PTPRN2: variants seen among roughly 807,000 people sequenced by gnomAD.
PTPRN2 encodes the protein receptor-type tyrosine-protein phosphatase N2.
In PTPRN2, 74 loss-of-function variants were observed where a neutral mutation model predicts 118.8. The observed-to-expected ratio is 0.62, with a 90% CI of 0.52 to 0.76. The LOEUF (loss-of-function observed/expected upper bound fraction) is 0.76, where lower values mean the gene tolerates loss of function less well. Ranked by LOEUF, PTPRN2 falls within the 30% of genes least tolerant of loss-of-function variation. The probability of loss-of-function intolerance (pLI) is 0.00; values close to 1 mark genes in which losing one functional copy is unlikely to be tolerated. For synonymous variants in PTPRN2, 641 were observed against 608.0 expected (o/e 1.05, Z -0.80); for missense variants, 1,481 against 1,394.4 (o/e 1.06, Z -0.99).
chr7:158,070,949 C>CATGATGGTGGAGGTGCCT (rs1323690515), intron 11 of PTPRN2, among the ~76,000 whole-genome samples: 1 of 51,104 alleles, frequency 2.0e-5, no homozygotes, highest in Non-Finnish European at 3.5e-5. Context: ...TGGAGGTGCC[C>CATGATGGTGGAGGTGCCT]GTGGTGGTGG....
intron 3 of PTPRN2, among the ~76,000 whole-genome samples, chr7:158,244,890 G>C (rs1796118377): frequency 6.6e-6 from 1 of 152,122 alleles, no homozygotes; most frequent in Admixed American, 6.5e-5. Flanking sequence ...TTTTCTCTGA[G>C]CTCAGTGTCT....
At chr7:157,788,228 A>T (rs1468290623) in intron 12 of PTPRN2, among the ~76,000 whole-genome samples, 1 of 152,120 alleles carries the variant, frequency 6.6e-6, no homozygotes, top group African/African-American at 2.4e-5. Flanking sequence ...ACAAAAAAGT[A>T]GCCAGGTGTG....
At chr7:158,048,006 G>A (rs552724693) in intron 11 of PTPRN2, among the ~76,000 whole-genome samples, 12 of 152,222 alleles carry the variant, frequency 7.9e-5, no homozygotes, top group Admixed American at 2.6e-4. Flanking sequence ...GAATGGGGCC[G>A]AATTCAGAGC....
rs1025192384 is a variant in PTPRN2 at position 158,438,643 on chromosome 7, T to C, written c.163+51092A>G. 1.3e-5 allele frequency among the ~76,000 whole-genome samples: 2 copies of C among 152,212 alleles called. No individual in the cohort carries two copies. Among genetic ancestry groups the C allele is most frequent in the East Asian group, 1.9e-4 (1 of 5,192 alleles). On this transcript the variant is annotated intron_variant, in intron 2 of 22. Transcript: ENST00000389418. This position sits in a 1 kb window ranked among gnomAD's most constrained non-coding sequence, Gnocchi z 4.7. ...AAGAGAAGGTCAGTTCTGATCGTTG[T>C]TGATTTTCCTGGAATTTGCTAATGA... is the stretch of plus-strand genomic sequence containing the variant.
At chr7:158,008,116 T>TGTGTGG (rs1219791225) in intron 11 of PTPRN2, among the ~76,000 whole-genome samples, 1 of 139,794 alleles carries the variant, frequency 7.2e-6, no homozygotes, top group Non-Finnish European at 1.6e-5. Context: ...GTGTGCTGTG[T>TGTGTGG]GTGTGGGTGT....
chr7:157,660,782 T>G (rs1210470597), intron 13 of PTPRN2, among the ~76,000 whole-genome samples: 1 of 152,048 alleles, frequency 6.6e-6, no homozygotes, highest in Non-Finnish European at 1.5e-5. Context: ...TGAGACAGAG[T>G]CTCGCTCTGT....
At chr7:157,659,467 A>C in intron 13 of PTPRN2, among the ~76,000 whole-genome samples, 1 of 6,150 alleles carries the variant, frequency 1.6e-4, no homozygotes, top group Non-Finnish European at 3.0e-4. Context: ...GGTCACAGGG[A>C]TGGGGGGGGC....
chr7:158,188,365 T>G (rs796375689), intron 5 of PTPRN2, among the ~76,000 whole-genome samples: 2,518 of 10,098 alleles, frequency 0.25, 902 homozygotes, highest in Middle Eastern at 0.42. Context: ...CGCCGCCTGA[T>G]GGGGAAGGCC....
chr7:158,412,592 T>A (rs1215608419), intron 2 of PTPRN2, among the ~76,000 whole-genome samples: 4 of 54,412 alleles, frequency 7.4e-5, no homozygotes, highest in Admixed American at 4.7e-4. Context: ...CCTCCTCAGC[T>A]CCAGGGCCCA....
intron 5 of PTPRN2, among the ~76,000 whole-genome samples, chr7:158,168,951 A>C (rs2150599922): frequency 6.6e-6 from 1 of 152,336 alleles, no homozygotes; most frequent in South Asian, 2.1e-4. Flanking sequence ...TCCTGGACAC[A>C]CAAGCTGAGC....
rs1220061853 is a variant in PTPRN2 at position 157,596,013 on chromosome 7, G to A, written c.2419-698C>T. On this transcript the variant is annotated intron_variant, in intron 16 of 22. Transcript: ENST00000389418. This position sits in a 1 kb window ranked among gnomAD's most constrained non-coding sequence, Gnocchi z 4.2. The stretch of plus-strand genomic sequence containing the variant: ...CCTGCAAGTGACCCCAGAGCTTCCT[G>A]GCCACGGAGCCCACCCAGGCTGCCC... Among the ~76,000 whole-genome samples the A allele has an allele frequency of 6.6e-6, 1 of 152,204 alleles. No individual in the cohort carries two copies. The highest frequency in any genetic ancestry group is 2.4e-5 in the African/African-American group (1 of 41,458).
At chr7:157,850,279 G>A (rs1809171695) in intron 12 of PTPRN2, among the ~76,000 whole-genome samples, 1 of 148,952 alleles carries the variant, frequency 6.7e-6, no homozygotes, top group Non-Finnish European at 1.5e-5. Flanking sequence ...TTCCGACATG[G>A]GGTGCCTCAG....
At chr7:157,857,710 A>G (rs1809823451) in intron 12 of PTPRN2, 1 of 152,250 alleles carries the variant, frequency 6.6e-6, no homozygotes, top group African/African-American at 2.4e-5. Flanking sequence ...GCCTTCCCTG[A>G]CGCGCCACGT....
chr7:158,510,010 A>C (rs1387765068), intron 1 of PTPRN2, among the ~76,000 whole-genome samples: 1 of 152,220 alleles, frequency 6.6e-6, no homozygotes, highest in Admixed American at 6.5e-5. Flanking sequence ...AGAGAAGAAC[A>C]GGCACACACA....
rs1380606954 is a variant in PTPRN2, at chr7:157,861,301, A to C, written c.1788+37372T>G. Among the ~76,000 whole-genome samples, 2 of 152,192 alleles carry C rather than the reference A, an allele frequency of 1.3e-5. No individual in the cohort carries two copies. The highest frequency in any genetic ancestry group is 2.4e-5 in the African/African-American group (1 of 41,450). ...CCCTCTGTGGGGAATCCGTGGGAGG[A>C]TGAGAGGCCTGGATTGCACCGGAAG... On this transcript the variant is annotated intron_variant, in intron 12 of 22. Transcript: ENST00000389418. This position sits in a 1 kb window ranked among gnomAD's most constrained non-coding sequence, Gnocchi z 5.8.
At chr7:158,130,642 C>A (rs1203072610) in intron 9 of PTPRN2, among the ~76,000 whole-genome samples, 2 of 149,312 alleles carry the variant, frequency 1.3e-5, no homozygotes, top group Non-Finnish European at 3.0e-5. Context: ...ATGCACAAAC[C>A]AATACACATC....
intron 14 of PTPRN2, among the ~76,000 whole-genome samples, chr7:157,649,008 G>A (rs63749668): frequency 0.1 from 13,150 of 129,986 alleles, 790 homozygotes; most frequent in East Asian, 0.18. Context: ...TCGGTGGGTC[G>A]GATCCATTCA....
intron 10 of PTPRN2, among the ~76,000 whole-genome samples, chr7:158,085,040 C>A (rs1308839110): frequency 1.4e-5 from 2 of 141,462 alleles, no homozygotes; most frequent in Non-Finnish European, 3.1e-5. Flanking sequence ...CCATCCACAC[C>A]CACGACACCC....
In PTPRN2 at chr7:157,671,821, C is replaced by A. The variant is rs1033979369; in HGVS notation, c.2001+10904G>T. ...CCCTGAAGAGCTTCTTCCTACCAGA[C>A]CCCCGAAGGCCAGGGTCTGGGGGCC... On this transcript the variant is annotated intron_variant, in intron 13 of 22. Transcript: ENST00000389418. This position sits in a 1 kb window ranked among gnomAD's most constrained non-coding sequence, Gnocchi z 4.1. 6.6e-6 allele frequency among the ~76,000 whole-genome samples: 1 copy of A among 152,142 alleles called. No individual in the cohort carries two copies. The highest frequency in any genetic ancestry group is 2.4e-5 in the African/African-American group (1 of 41,426).
Sources: allele counts gnomAD v4.1 joint callset (sites outside exome capture counted in the v4.1 genomes callset), GRCh38; gene constraint gnomAD v4.1.1; non-coding constraint Gnocchi (gnomAD v3.1); transcripts MANE v1.5; gene names NCBI Gene and HGNC (gene_info 2026-07-23, HGNC 2026-07-21).